FRMPD4: variants seen among roughly 807,000 people sequenced by gnomAD.
FRMPD4 encodes the protein FERM and PDZ domain containing 4.
FRMPD4 carries 22 observed loss-of-function variants against 94.1 expected under a neutral mutation model. That is an observed-to-expected ratio of 0.23 (90% CI 0.17 to 0.33). The LOEUF (loss-of-function observed/expected upper bound fraction) is 0.33, where lower values mean the gene tolerates loss of function less well. Ranked by LOEUF, FRMPD4 falls within the 10% of genes least tolerant of loss-of-function variation. The pLI is 1.00. For missense variants in FRMPD4, 1,111 were observed against 1,339.9 expected (o/e 0.83, Z 2.67); for synonymous variants, 631 against 548.6 (o/e 1.15, Z -2.10).
At chrX:12,214,737 A>G (rs1339700316) in intron 1 of FRMPD4, among the ~76,000 whole-genome samples, 4 of 112,409 alleles carry the variant, frequency 3.6e-5, no homozygotes, top group African/African-American at 9.7e-5. Flanking sequence ...AGCATCTCCT[A>G]TAATAATGAG....
chrX:12,533,998 T>C (rs183480233), intron 2 of FRMPD4, among the ~76,000 whole-genome samples: 2,914 of 112,478 alleles, frequency 0.026, 31 homozygotes, highest in Non-Finnish European at 0.031. Context: ...CTTCACGGAA[T>C]CCCCTCCCAT....
intron 1 of FRMPD4, among the ~76,000 whole-genome samples, chrX:11,856,514 T>G (rs950220982): frequency 6.4e-5 from 7 of 109,312 alleles, no homozygotes; most frequent in African/African-American, 2.5e-4. Context: ...TCCATTAATG[T>G]TAAAAAAACT....
At chrX:12,471,477 G>A (rs1020873780) in intron 1 of FRMPD4, among the ~76,000 whole-genome samples, 4 of 111,760 alleles carry the variant, frequency 3.6e-5, no homozygotes, top group Non-Finnish European at 7.5e-5. Flanking sequence ...ATCAAGCTAC[G>A]TGACTGGATA....
intron 3 of FRMPD4, among the ~76,000 whole-genome samples, chrX:11,956,418 G>T (rs903130687): frequency 8.9e-6 from 1 of 111,890 alleles, no homozygotes; most frequent in Admixed American, 9.5e-5. Flanking sequence ...GATTTCTTTA[G>T]AGAACATTTT....
At chrX:12,548,178 C>T (rs748181834) in intron 2 of FRMPD4, among the ~76,000 whole-genome samples, 1 of 111,931 alleles carries the variant, frequency 8.9e-6, no homozygotes, top group East Asian at 2.8e-4. Flanking sequence ...TATGTTATTA[C>T]TGAAGTGTGA....
At chrX:11,823,686 A>C (rs1289165923) in intron 1 of FRMPD4, among the ~76,000 whole-genome samples, 1 of 111,863 alleles carries the variant, frequency 8.9e-6, no homozygotes, top group Non-Finnish European at 1.9e-5. Flanking sequence ...TAAATAAATG[A>C]ATGTGGCTAT....
chrX:11,871,739 G>A (rs1363432269), intron 2 of FRMPD4, among the ~76,000 whole-genome samples: 1 of 111,730 alleles, frequency 9.0e-6, no homozygotes, highest in Admixed American at 9.5e-5. Context: ...GAGTGAAGTG[G>A]ACCTAAAGCA....
intron 2 of FRMPD4, among the ~76,000 whole-genome samples, chrX:12,553,981 T>C (rs2058568374): frequency 9.0e-6 from 1 of 111,719 alleles, no homozygotes; most frequent in African/African-American, 3.2e-5. Context: ...ATAGGTTTTG[T>C]TTTTGTTTTT....
intron 1 of FRMPD4, among the ~76,000 whole-genome samples, chrX:12,337,355 C>A (rs2055543960): frequency 9.0e-6 from 1 of 111,332 alleles, no homozygotes; most frequent in Non-Finnish European, 1.9e-5. Context: ...AATTGAGGAT[C>A]CAGAGAGAAA....
chrX:11,988,198 C>A (rs1277455576), intron 3 of FRMPD4, among the ~76,000 whole-genome samples: 1 of 111,624 alleles, frequency 9.0e-6, no homozygotes, highest in Non-Finnish European at 1.9e-5. Context: ...TACTACCAAG[C>A]TATAGTAACC....
At chrX:12,098,189 A>G (rs2055222777) in intron 3 of FRMPD4, among the ~76,000 whole-genome samples, 1 of 111,334 alleles carries the variant, frequency 9.0e-6, no homozygotes, top group South Asian at 3.8e-4. Flanking sequence ...TAGTTAGGGA[A>G]GCCAAAAGGT....
chrX:11,852,458 A>AG (rs1450974306), intron 1 of FRMPD4, among the ~76,000 whole-genome samples: 63 of 108,443 alleles, frequency 5.8e-4, no homozygotes, highest in African/African-American at 1.9e-3. Flanking sequence ...AAAAAAAAAA[A>AG]AAAGAAAAAG....
chrX:12,531,954 C>T lies in FRMPD4; in HGVS notation c.158+33158C>T, dbSNP rs748229034. The stretch of plus-strand genomic sequence containing the variant: ...ATAGTTCTTATATTTAGTCCTTGGT[C>T]TCTTGTTCCTTAAAGTCTTCAAACA... On this transcript the variant is annotated intron_variant, in intron 2 of 16. Transcript: ENST00000675598. 9.8e-5 allele frequency among the ~76,000 whole-genome samples: 11 copies of T among 111,872 alleles called. No homozygotes were observed. In the East Asian group the frequency reaches 3.1e-3, roughly 31 times the overall value.
intron 2 of FRMPD4, among the ~76,000 whole-genome samples, chrX:12,593,846 A>G (rs1314127279): frequency 8.9e-6 from 1 of 111,773 alleles, no homozygotes; most frequent in African/African-American, 3.3e-5. Context: ...GCTGAGACAC[A>G]TAATATATGC....
intron 10 of FRMPD4, among the ~76,000 whole-genome samples, chrX:12,702,735 C>T (rs4830796): frequency 0.26 from 29,504 of 111,342 alleles, 2,801 homozygotes; most frequent in Middle Eastern, 0.33. Context: ...TTGCTGACTT[C>T]AACACCACTG....
intron 2 of FRMPD4, among the ~76,000 whole-genome samples, chrX:12,521,058 G>A (rs764797506): frequency 2.7e-5 from 3 of 112,026 alleles, no homozygotes; most frequent in Admixed American, 9.4e-5. Flanking sequence ...GAATGAGCAT[G>A]GCTGTGCTCC....
At chrX:11,858,431 C>A (rs918552370) in intron 1 of FRMPD4, among the ~76,000 whole-genome samples, 1 of 111,101 alleles carries the variant, frequency 9.0e-6, no homozygotes, top group Non-Finnish European at 1.9e-5. Flanking sequence ...AGGCCATTAT[C>A]CTTAGCAAAC....
At chrX:12,159,187 C>T (rs1408479520) in intron 1 of FRMPD4, among the ~76,000 whole-genome samples, 1 of 112,146 alleles carries the variant, frequency 8.9e-6, no homozygotes, top group Non-Finnish European at 1.9e-5. Flanking sequence ...GCACAGGGAC[C>T]TAAATTTAGT....
chrX:12,019,123 GA>G (rs2147421650), intron 3 of FRMPD4, among the ~76,000 whole-genome samples: 1 of 110,065 alleles, frequency 9.1e-6, no homozygotes, highest in East Asian at 2.8e-4. Context: ...TATCCATTCA[GA>G]ACCCACTTTA....
Sources: gnomAD v4.1 joint callset for allele counts (sites outside exome capture counted in the v4.1 genomes callset) on GRCh38, gnomAD v4.1.1 for gene constraint, MANE v1.5 for transcripts, NCBI Gene and HGNC (gene_info 2026-07-23, HGNC 2026-07-21) for gene names.